The following ZBED6 variants were observed in gnomAD, a reference collection of about 807,000 sequenced individuals.
ZBED6 encodes the protein zinc finger BED-type containing 6.
Under a neutral mutation model 58.4 loss-of-function variants are expected in ZBED6, and 40 were observed. The observed-to-expected ratio is 0.68, with a 90% CI of 0.53 to 0.89. The LOEUF is 0.89. Ranked by LOEUF, ZBED6 falls within the 40% of genes least tolerant of loss-of-function variation. The pLI, the probability that ZBED6 is intolerant of heterozygous loss-of-function variation, is 0.00. For missense variants in ZBED6, 1,057 were observed against 1,003.9 expected (o/e 1.05, Z -0.71); for synonymous variants, 439 against 350.6 (o/e 1.25, Z -2.82).
intron 6 of ZBED6, 32 bp downstream of exon 6, chr1:203,829,928 GCAC>G: frequency 6.3e-7 from 1 of 1,581,040 alleles, no homozygotes; most frequent in Non-Finnish European, 8.7e-7. Flanking sequence ...GCCTCTTATA[GCAC>G]TGTTGAAACT....
chr1:203,836,409 G>A (rs931739261), intron 9 of ZBED6, among the ~76,000 whole-genome samples: 3 of 152,054 alleles, frequency 2.0e-5, no homozygotes, highest in South Asian at 2.1e-4. Flanking sequence ...CTAAAAAACC[G>A]TTTTTAAAAA....
rs1206915786 is a variant in ZBED6 at position 203,798,127 on chromosome 1, A to G, written c.605A>G (p.Asp202Gly). Reference sequence around the variant, plus strand: ...AGTGGAGAGGAGGACTTTACCTTGGATGTGTCTTTATCTCCCTCTTCTGGA... The same window carrying G: ...AGTGGAGAGGAGGACTTTACCTTGGGTGTGTCTTTATCTCCCTCTTCTGGA... The change falls in exon 1 of 17, where the codon GAT becomes GGT. Residue 202 changes from aspartate to glycine, a missense_variant. Asp to Gly is a moderately conservative substitution (Grantham distance 94, BLOSUM62 -1). Transcript: ENST00000550078. 3 of 1,536,126 alleles carry G rather than the reference A, an allele frequency of 2.0e-6. No individual in the cohort carries two copies. The South Asian group carries it at 3.6e-5, about 18-fold the overall frequency.
chr1:203,824,817 C>T (rs1011907191), intron 3 of ZBED6, among the ~76,000 whole-genome samples: 10 of 152,084 alleles, frequency 6.6e-5, no homozygotes, highest in Non-Finnish European at 1.2e-4. Flanking sequence ...CGGTGGCTCA[C>T]GCCTGTAATC....
At chr1:203,832,424 G>A (rs1332075067) in intron 8 of ZBED6, among the ~76,000 whole-genome samples, 3 of 151,534 alleles carry the variant, frequency 2.0e-5, no homozygotes, top group African/African-American at 4.9e-5. Flanking sequence ...GCAATGGTGC[G>A]ATCTCCACTC....
At chr1:203,831,323 A>G (rs1193517940) in intron 7 of ZBED6, among the ~76,000 whole-genome samples, 1 of 152,168 alleles carries the variant, frequency 6.6e-6, no homozygotes, top group Non-Finnish European at 1.5e-5. Flanking sequence ...TAAATAGAAT[A>G]GGTTGGATTG....
At chr1:203,819,089 T>TACAC (rs200302232) in intron 3 of ZBED6, among the ~76,000 whole-genome samples, 25,238 of 140,796 alleles carry the variant, frequency 0.18, 2,324 homozygotes, top group Admixed American at 0.2. Context: ...TATATATATA[T>TACAC]ACACACACAC....
chr1:203,838,423 T>C (rs901880477), intron 10 of ZBED6, among the ~76,000 whole-genome samples: 1 of 152,206 alleles, frequency 6.6e-6, no homozygotes, highest in East Asian at 1.9e-4. Flanking sequence ...TGTTAAAGTT[T>C]AGACCTAAGA....
At chr1:203,819,047 G>A (rs1191172548) in intron 3 of ZBED6, among the ~76,000 whole-genome samples, 16 of 147,340 alleles carry the variant, frequency 1.1e-4, no homozygotes, top group Admixed American at 1.1e-3. Flanking sequence ...CCAGCCTGGT[G>A]ACAGAGCAAC....
chr1:203,822,864 G>T (rs1197885835), intron 3 of ZBED6, among the ~76,000 whole-genome samples: 1 of 152,058 alleles, frequency 6.6e-6, no homozygotes, highest in Non-Finnish European at 1.5e-5. Context: ...CCATCTGAAT[G>T]CCTGTCTCCC....
At chr1:203,848,659 G>A (rs921660914) in intron 13 of ZBED6, among the ~76,000 whole-genome samples, 1 of 152,156 alleles carries the variant, frequency 6.6e-6, no homozygotes, top group Non-Finnish European at 1.5e-5. Flanking sequence ...AGGCTGAGGC[G>A]GGCGGATCAC....
At chr1:203,805,942 TTCATAGCA>T in intron 1 of ZBED6, 1 of 642,674 alleles carries the variant, frequency 1.6e-6, no homozygotes, top group Non-Finnish European at 3.0e-6. Context: ...TGCTCCCAGT[TTCATAGCA>T]TCAACCGTGG....
chr1:203,851,098 G>T, exon 16 of ZBED6: 1 of 1,614,130 alleles, frequency 6.2e-7, no homozygotes, highest in Non-Finnish European at 8.5e-7. Flanking sequence ...CAGTCACTGT[G>T]CCTGAAGCAG....
At chr1:203,827,456 G>A (rs998461017) in intron 3 of ZBED6, among the ~76,000 whole-genome samples, 4 of 151,454 alleles carry the variant, frequency 2.6e-5, no homozygotes, top group East Asian at 3.9e-4. Flanking sequence ...TGAGGCGGGC[G>A]GATCACGAGG....
chr1:203,837,142 A>G (rs1175295007), intron 9 of ZBED6, among the ~76,000 whole-genome samples: 2 of 151,864 alleles, frequency 1.3e-5, no homozygotes, highest in South Asian at 2.1e-4. Context: ...TAAAAATACA[A>G]AAATTAACCA....
chr1:203,807,439 C>T (rs1027074017), intron 1 of ZBED6, among the ~76,000 whole-genome samples: 15 of 152,012 alleles, frequency 9.9e-5, no homozygotes, highest in Non-Finnish European at 1.9e-4. Context: ...ATGTGACTCA[C>T]TATGCCTGGC....
chr1:203,806,939 A>AT (rs11402411), intron 1 of ZBED6, among the ~76,000 whole-genome samples: 28,996 of 148,486 alleles, frequency 0.2, 3,303 homozygotes, highest in East Asian at 0.45. Context: ...TTACTACAGG[A>AT]TTTTTTTTGT....
At chr1:203,813,168 T>C (rs1368540764) in intron 1 of ZBED6, among the ~76,000 whole-genome samples, 2 of 152,134 alleles carry the variant, frequency 1.3e-5, no homozygotes, top group African/African-American at 2.4e-5. Flanking sequence ...CAGACCTTTT[T>C]AATTTTAATG....
intron 1 of ZBED6, among the ~76,000 whole-genome samples, chr1:203,816,357 G>A (rs1676377097): frequency 6.6e-6 from 1 of 152,082 alleles, no homozygotes; most frequent in Admixed American, 6.6e-5. Context: ...GGGCGGGATG[G>A]CTCACACCTA....
intron 9 of ZBED6, among the ~76,000 whole-genome samples, chr1:203,837,020 G>A (rs989709673): frequency 1.3e-5 from 2 of 152,086 alleles, no homozygotes; most frequent in Non-Finnish European, 1.5e-5. Context: ...AGATTTTTGG[G>A]GGGGCCTGGC....
Sources: gnomAD v4.1 joint callset for allele counts (sites outside exome capture counted in the v4.1 genomes callset) on GRCh38, gnomAD v4.1.1 for gene constraint, MANE v1.5 for transcripts, NCBI Gene and HGNC (gene_info 2026-07-23, HGNC 2026-07-21) for gene names.